The following SEL1L3 variants were observed in gnomAD, a reference collection of about 807,000 sequenced individuals.
The protein encoded by SEL1L3 is SEL1L family member 3.
A neutral mutation model predicts 142.8 loss-of-function variants in SEL1L3; 76 were observed. The ratio of observed to expected loss-of-function variants is 0.53; its 90% CI spans 0.44 to 0.64. The LOEUF is 0.64. Ranked by LOEUF, SEL1L3 falls within the 30% of genes least tolerant of loss-of-function variation. The pLI is 0.00. For synonymous variants in SEL1L3, 504 were observed against 519.6 expected (o/e 0.97, Z 0.41); for missense variants, 1,262 against 1,381.7 (o/e 0.91, Z 1.37).
chr4:25,863,378 C>G (rs1359267421), upstream of SEL1L3: 1 of 678,786 alleles, frequency 1.5e-6, no homozygotes. Context: ...CCTCCCTTTC[C>G]TCTTTCTCCC....
At chr4:25,823,570 A>T (rs1346461851) in intron 6 of SEL1L3, among the ~76,000 whole-genome samples, 1 of 152,142 alleles carries the variant, frequency 6.6e-6, no homozygotes, top group Non-Finnish European at 1.5e-5. Context: ...AATTTAAAAT[A>T]AGAATGGGAG....
intron 17 of SEL1L3, 27 bp from the exon 18 acceptor site, chr4:25,767,857 T>C: frequency 3.0e-6 from 4 of 1,325,150 alleles, no homozygotes; most frequent in Non-Finnish European, 4.2e-6. Context: ...AATAATAAAT[T>C]TCATATAGTG....
At chr4:25,830,360 A>G (rs1258563121) in intron 5 of SEL1L3, among the ~76,000 whole-genome samples, 3 of 152,232 alleles carry the variant, frequency 2.0e-5, no homozygotes, top group African/African-American at 7.2e-5. Flanking sequence ...ACTTGATGTG[A>G]TTAAAAATAT....
downstream of SEL1L3, among the ~76,000 whole-genome samples, chr4:25,745,404 AAAAAG>A (rs2109101420): frequency 6.6e-6 from 1 of 152,184 alleles, no homozygotes; most frequent in South Asian, 2.1e-4. Flanking sequence ...CAAAAAAAAA[AAAAAG>A]AAAGTGAGGA....
At chr4:25,818,072 G>A in intron 9 of SEL1L3, 66 bp downstream of exon 9, 1 of 1,531,146 alleles carries the variant, frequency 6.5e-7, no homozygotes, top group South Asian at 1.2e-5. Context: ...AAGAGGGTGA[G>A]TGAAACAGAG....
intron 6 of SEL1L3, among the ~76,000 whole-genome samples, chr4:25,824,576 T>G (rs1033989721): frequency 6.6e-6 from 1 of 152,218 alleles, no homozygotes; most frequent in Non-Finnish European, 1.5e-5. Flanking sequence ...TCTGTTGGAC[T>G]TTGGCTCCCA....
At chr4:25,736,356 T>C in the SEL1L3 span, among the ~76,000 whole-genome samples, 1 of 151,716 alleles carries the variant, frequency 6.6e-6, no homozygotes, top group Non-Finnish European at 1.5e-5. Context: ...CCTCAGTAGG[T>C]GGGATTACAG....
chr4:25,773,303 T>G (rs1719365244), intron 17 of SEL1L3: 1 of 152,152 alleles, frequency 6.6e-6, no homozygotes, highest in Non-Finnish European at 1.5e-5. Flanking sequence ...TTCTGGGTAC[T>G]GGGGGTAGGA....
chr4:25,760,645 C>T (rs1577563846), intron 20 of SEL1L3, among the ~76,000 whole-genome samples: 1 of 152,088 alleles, frequency 6.6e-6, no homozygotes, highest in African/African-American at 2.4e-5. Context: ...CCTTATGACA[C>T]GATCACATCT....
In SEL1L3 at chr4:25,840,698, C is replaced by T. The variant is rs149225698; in HGVS notation, c.734-5375G>A. ...TACTTCTTGAATTGCCCATGTCACA[C>T]CTGAGATTATACCTTGGAAAATAAA... is the stretch of plus-strand genomic sequence containing the variant. On this transcript the variant is annotated intron_variant, in intron 2 of 23. Transcript: ENST00000399878. 6.9e-3 allele frequency among the ~76,000 whole-genome samples: 1,048 copies of T among 152,324 alleles called. 18 individuals are homozygous for T. The highest frequency in any genetic ancestry group is 6.5e-3 in the Non-Finnish European group (442 of 68,026).
the SEL1L3 span, among the ~76,000 whole-genome samples, chr4:25,726,981 T>G: frequency 2.8e-5 from 2 of 71,736 alleles, no homozygotes; most frequent in Non-Finnish European, 5.8e-5. Context: ...TTTCTCTCTG[T>G]GTTCTCATGT....
At chr4:25,778,645 G>C (rs1719798333) in intron 16 of SEL1L3, among the ~76,000 whole-genome samples, 1 of 152,126 alleles carries the variant, frequency 6.6e-6, no homozygotes, top group South Asian at 2.1e-4. Flanking sequence ...GCTGAGTAGT[G>C]GGAGGTGGCA....
chr4:25,788,354 G>A lies in SEL1L3; in HGVS notation c.2087C>T (p.Ala696Val). 3 of 1,613,786 alleles carry A rather than the reference G, an allele frequency of 1.9e-6. No individual in the cohort carries two copies. Among genetic ancestry groups the A allele is most frequent in the Non-Finnish European group, 2.5e-6 (3 of 1,179,836 alleles). The change falls in exon 13 of 24, where the codon GCC becomes GTC. Residue 696 changes from alanine to valine, a missense_variant. By Grantham distance (64) the Ala-to-Val change is moderately conservative (BLOSUM62 0). Coordinates refer to ENST00000399878, the MANE Select transcript of SEL1L3 (RefSeq NM_015187.5). This position sits in a 1 kb window ranked among gnomAD's most constrained non-coding sequence, Gnocchi z 5.3. ...TTGCTGCCCCCAGAACAGCATCTGG[G>A]CCAATCGTTGCTTAAAGATAATAGC... Reference protein sequence around the residue: ...RGNAAAQQRLAQMLFWGQQGV... With the variant: ...RGNAAAQQRLVQMLFWGQQGV...
rs1469723384 is a variant in SEL1L3 at position 25,782,352 on chromosome 4, C to A, written c.2347G>T (p.Ala783Ser). 5.0e-6 allele frequency: 8 copies of A among 1,613,794 alleles called. No homozygotes were observed. The East Asian group carries it at 1.8e-4, about 36-fold the overall frequency. Reference protein sequence around the residue: ...YHKFKKNYAKAAKYWLKAEEM... With the variant: ...YHKFKKNYAKSAKYWLKAEEM... ...TCTGCTTTTAACCAGTACTTTGCTG[C>A]TTTGGCGTAATTTTTCTTGAATTTG... Residue 783 changes from alanine (A) to serine (S), a missense_variant, in exon 15 of 24, where the codon GCA becomes TCA. Ala to Ser is a moderately conservative substitution (Grantham distance 99). This residue lies in a region of SEL1L3 where 435 missense variants were observed against 559.2 expected (regional missense o/e 0.78). Coordinates refer to ENST00000399878, the MANE Select transcript of SEL1L3 (RefSeq NM_015187.5).
At chr4:25,742,420 A>G in the SEL1L3 span, among the ~76,000 whole-genome samples, 1 of 152,010 alleles carries the variant, frequency 6.6e-6, no homozygotes, top group African/African-American at 2.4e-5. Flanking sequence ...TCCTGCACTC[A>G]AGCAATCTTG....
chr4:25,732,328 T>C, the SEL1L3 span, among the ~76,000 whole-genome samples: 3 of 152,222 alleles, frequency 2.0e-5, no homozygotes, highest in African/African-American at 7.2e-5. Context: ...AGAGCCTATA[T>C]TGACAAGTTA....
chr4:25,822,402 G>A (rs946865088), intron 6 of SEL1L3, among the ~76,000 whole-genome samples: 2 of 152,200 alleles, frequency 1.3e-5, no homozygotes, highest in Non-Finnish European at 2.9e-5. Context: ...TTACTGGATG[G>A]TTAAGAGGAT....
chr4:25,855,575 G>A (rs1425419523), intron 1 of SEL1L3, among the ~76,000 whole-genome samples: 1 of 152,180 alleles, frequency 6.6e-6, no homozygotes, highest in Non-Finnish European at 1.5e-5. Context: ...GGTCAACAAG[G>A]TGAAACCTTG....
the SEL1L3 span, among the ~76,000 whole-genome samples, chr4:25,724,748 A>G: frequency 4.5e-5 from 4 of 89,010 alleles, no homozygotes; most frequent in South Asian, 4.3e-4. Flanking sequence ...AAAAAAAAAA[A>G]AAAAAAAAAA....
Sources: allele counts gnomAD v4.1 joint callset (sites outside exome capture counted in the v4.1 genomes callset), GRCh38; gene constraint gnomAD v4.1.1; regional missense constraint gnomAD v4.1.1; non-coding constraint Gnocchi (gnomAD v3.1); transcripts MANE v1.5; gene names NCBI Gene and HGNC (gene_info 2026-07-23, HGNC 2026-07-21).